ANK2: variants seen among roughly 807,000 people sequenced by gnomAD.
ANK2 encodes ankyrin-2.
ANK2 carries 83 observed loss-of-function variants against 360.5 expected under a neutral mutation model. The observed-to-expected ratio is 0.23, with a 90% confidence interval of 0.19 to 0.28. ANK2 has a LOEUF of 0.28. ANK2 is among the 10% of genes least tolerant of loss of function. The pLI is 1.00. For synonymous variants in ANK2, 1,740 were observed against 1,759.5 expected, an observed-to-expected ratio of 0.99 and a Z score of 0.28; for missense variants, 4,201 against 4,795.7, an observed-to-expected ratio of 0.88 and a Z score of 3.66.
intron 13 of ANK2, among the ~76,000 whole-genome samples, chr4:113,262,271 G>A (rs943410485): frequency 1.3e-5 from 2 of 152,086 alleles, no homozygotes; most frequent in African/African-American, 2.4e-5. Flanking sequence ...TGTCACCTAA[G>A]CTGGAATACA....
chr4:112,944,266 A>G (rs2094420974), intron 2 of ANK2, among the ~76,000 whole-genome samples: 1 of 152,128 alleles, frequency 6.6e-6, no homozygotes. Flanking sequence ...CTATTTGTTC[A>G]CTATGATCTT....
At chr4:113,239,776 C>T (rs1365606595) in intron 7 of ANK2, among the ~76,000 whole-genome samples, 3 of 152,070 alleles carry the variant, frequency 2.0e-5, no homozygotes, top group Admixed American at 6.5e-5. Flanking sequence ...TTAAATTACA[C>T]TTTATTGTAT....
intron 2 of ANK2, among the ~76,000 whole-genome samples, chr4:112,918,592 A>C (rs1456362337): frequency 1.3e-5 from 2 of 152,178 alleles, no homozygotes; most frequent in Non-Finnish European, 2.9e-5. Context: ...TGTTTGAAGA[A>C]TAGAGAGGGG....
the ANK2 span, among the ~76,000 whole-genome samples, chr4:112,782,370 T>A: frequency 6.6e-6 from 1 of 152,154 alleles, no homozygotes; most frequent in Non-Finnish European, 1.5e-5. Context: ...TCTATTTACC[T>A]TTTTCCATAA....
At chr4:113,002,463 C>A (rs945565045) in intron 2 of ANK2, among the ~76,000 whole-genome samples, 21 of 148,350 alleles carry the variant, frequency 1.4e-4, no homozygotes, top group Non-Finnish European at 3.0e-4. Flanking sequence ...ATCGCAAGAA[C>A]AAAAAACCAA....
intron 1 of ANK2, among the ~76,000 whole-genome samples, chr4:112,882,502 C>G (rs1296055600): frequency 1.3e-5 from 2 of 152,014 alleles, no homozygotes; most frequent in Non-Finnish European, 2.9e-5. Flanking sequence ...TGTTTACTAA[C>G]TTGGAATGGA....
At chr4:113,002,861 T>G (rs1247946398) in intron 2 of ANK2, among the ~76,000 whole-genome samples, 1 of 152,228 alleles carries the variant, frequency 6.6e-6, no homozygotes, top group African/African-American at 2.4e-5. Context: ...TCTGGGAAAC[T>G]ATTTGTAGTT....
chr4:112,842,299 C>A (rs2062272243), intron 1 of ANK2, among the ~76,000 whole-genome samples: 1 of 152,200 alleles, frequency 6.6e-6, no homozygotes, highest in South Asian at 2.1e-4. Context: ...CGTGAGCTAC[C>A]ACGCCCGGCC....
At chr4:113,328,478 T>C (rs752746462) in intron 26 of ANK2, among the ~76,000 whole-genome samples, 1 of 152,200 alleles carries the variant, frequency 6.6e-6, no homozygotes, top group Admixed American at 6.5e-5. Context: ...GAGCAACAAA[T>C]AGTTCATTTA....
At chr4:113,106,046 A>T (rs540931224) in intron 1 of ANK2, among the ~76,000 whole-genome samples, 3 of 152,158 alleles carry the variant, frequency 2.0e-5, no homozygotes, top group Non-Finnish European at 4.4e-5. Context: ...ATTATATAGT[A>T]TTTAAATTTA....
the ANK2 span, among the ~76,000 whole-genome samples, chr4:112,805,650 T>C: frequency 2.6e-5 from 4 of 151,294 alleles, no homozygotes; most frequent in Non-Finnish European, 5.9e-5. Flanking sequence ...GGGGTGATCT[T>C]GGCTCACTGC....
intron 22 of ANK2, among the ~76,000 whole-genome samples, chr4:113,297,533 G>A (rs903947944): frequency 6.6e-6 from 1 of 152,066 alleles, no homozygotes; most frequent in Admixed American, 6.6e-5. Flanking sequence ...CCGTAAGTAT[G>A]TACAACTGTG....
chr4:112,981,389 G>A (rs1165244318), intron 2 of ANK2, among the ~76,000 whole-genome samples: 1 of 152,252 alleles, frequency 6.6e-6, no homozygotes, highest in Non-Finnish European at 1.5e-5. Flanking sequence ...TGAAGAGGAG[G>A]AGGAGAGAAG....
chr4:112,960,121 A>G (rs1353393895), intron 2 of ANK2, among the ~76,000 whole-genome samples: 2 of 152,226 alleles, frequency 1.3e-5, no homozygotes, highest in African/African-American at 2.4e-5. Flanking sequence ...AACAACTCAG[A>G]TGAATGGCAC....
intron 1 of ANK2, among the ~76,000 whole-genome samples, chr4:112,861,475 C>T (rs961482393): frequency 5.9e-5 from 9 of 152,178 alleles, no homozygotes; most frequent in Admixed American, 3.9e-4. Context: ...TTACTACAGG[C>T]GTGCTAGTAT....
intron 1 of ANK2, among the ~76,000 whole-genome samples, chr4:113,167,953 G>A (rs190084833): frequency 1.3e-5 from 2 of 152,202 alleles, no homozygotes; most frequent in African/African-American, 2.4e-5. Flanking sequence ...TATTCCCACT[G>A]CTGTAAAATA....
chr4:112,888,257 G>A (rs796174609), intron 1 of ANK2, among the ~76,000 whole-genome samples: 5 of 152,192 alleles, frequency 3.3e-5, no homozygotes, highest in African/African-American at 1.2e-4. Context: ...AGTGGAAATG[G>A]TTAATAGAAT....
At chr4:113,196,297 C>A in intron 2 of ANK2, 71 bp from the exon 3 acceptor site, 1 of 1,178,474 alleles carries the variant, frequency 8.5e-7, no homozygotes, top group Non-Finnish European at 1.3e-6. Flanking sequence ...GGGTTATATG[C>A]TTGAGTAGGA....
rs962051431 is a variant in ANK2 at position 113,383,152 on chromosome 4, T to C, written c.*1681T>C. 2.6e-5 allele frequency: 4 copies of C among 152,640 alleles called. No homozygotes were observed. Among genetic ancestry groups the C allele is most frequent in the Admixed American group, 2.0e-4 (3 of 15,268 alleles). 9.5% of individuals were successfully genotyped at this position (152,640 alleles called of 1,614,324 possible). A position where few individuals can be genotyped will look rare whatever the true frequency, so the allele number is the denominator to read the frequency against. ...CTCCAGGGATTGAACATTTTCCAAT[T>C]ATCTGGTCTTTTCCTGTTGTGCAAA... On this transcript the variant is annotated 3_prime_UTR_variant, in exon 46 of 46. Coordinates refer to ENST00000357077, the MANE Select transcript of ANK2 (RefSeq NM_001148.6).
Sources: gnomAD v4.1 joint callset for allele counts (sites outside exome capture counted in the v4.1 genomes callset) on GRCh38, gnomAD v4.1.1 for gene constraint, MANE v1.5 for transcripts, NCBI Gene and HGNC (gene_info 2026-07-23, HGNC 2026-07-21) for gene names.